Variants in DMXL1 observed in about 807,000 individuals in gnomAD.
The protein encoded by DMXL1 is Dmx like 1.
A neutral mutation model predicts 319.2 loss-of-function variants in DMXL1; 99 were observed. The observed-to-expected ratio is 0.31, with a 90% confidence interval of 0.26 to 0.37. The LOEUF (loss-of-function observed/expected upper bound fraction) is 0.37. DMXL1 is among the 10% of genes least tolerant of loss of function. The pLI is 1.00. For missense variants in DMXL1, 3,745 were observed against 3,595.6 expected, an observed-to-expected ratio of 1.04 and a Z score of -1.06; for synonymous variants, 1,385 against 1,235.2, an observed-to-expected ratio of 1.12 and a Z score of -2.54.
intron 28 of DMXL1, among the ~76,000 whole-genome samples, chr5:119,179,406 A>T (rs1417016342): frequency 6.6e-6 from 1 of 151,748 alleles, no homozygotes; most frequent in Admixed American, 6.6e-5. Context: ...TGACGTTTAC[A>T]CTGAACATAT....
intron 17 of DMXL1, among the ~76,000 whole-genome samples, chr5:119,148,005 A>G (rs1313270990): frequency 6.6e-6 from 1 of 152,204 alleles, no homozygotes; most frequent in East Asian, 1.9e-4. Flanking sequence ...AAACCTTTAA[A>G]GTGATTCTTA....
chr5:119,231,620 A>G (rs1786742983), intron 38 of DMXL1, among the ~76,000 whole-genome samples: 2 of 152,234 alleles, frequency 1.3e-5, no homozygotes, highest in Non-Finnish European at 2.9e-5. Flanking sequence ...AGGTACATTA[A>G]AAATTTAATG....
chr5:119,153,528 G>A (rs1165283092), intron 19 of DMXL1, among the ~76,000 whole-genome samples: 2 of 152,156 alleles, frequency 1.3e-5, no homozygotes, highest in Non-Finnish European at 2.9e-5. Flanking sequence ...TATCAAAAAT[G>A]TATTCCTCCT....
At chr5:119,195,442 A>G (rs1024504178) in intron 30 of DMXL1, among the ~76,000 whole-genome samples, 2 of 152,256 alleles carry the variant, frequency 1.3e-5, no homozygotes, top group African/African-American at 2.4e-5. Context: ...CACATGCTGC[A>G]ACATGGATAT....
intron 1 of DMXL1, among the ~76,000 whole-genome samples, chr5:119,082,052 CACACAT>C (rs1382051209): frequency 1.3e-4 from 19 of 147,182 alleles, no homozygotes; most frequent in Admixed American, 3.4e-4. Flanking sequence ...CACACACACA[CACACAT>C]ACACGTATAT....
At position 119,105,420 on chromosome 5, in the gene DMXL1, A is replaced by G. The variant is rs1758117356; in HGVS notation, c.364+162A>G. ...TTTTAGAGTTTATACTGAAATGAAGACAGATATGCACTGTAAGAAATGAGA... is the reference window on the plus strand; with the variant it reads ...TTTTAGAGTTTATACTGAAATGAAGGCAGATATGCACTGTAAGAAATGAGA... On this transcript the variant is annotated intron_variant, in intron 4 of 43. Coordinates refer to ENST00000539542, the MANE Select transcript of DMXL1 (RefSeq NM_001290321.3). 4.6e-5 allele frequency among the ~76,000 whole-genome samples: 7 copies of G among 152,228 alleles called. No individual in the cohort carries two copies. The South Asian group carries it at 1.2e-3, about 27-fold the overall frequency.
intron 6 of DMXL1, 71 bp from the exon 7 acceptor site, chr5:119,116,087 T>G: frequency 1.4e-6 from 2 of 1,424,092 alleles, no homozygotes; most frequent in South Asian, 2.8e-5. Context: ...AGAAAATTCT[T>G]ACTTTTGCTA....
At chr5:119,145,795 T>C (rs1432255120) in intron 15 of DMXL1, among the ~76,000 whole-genome samples, 4 of 151,734 alleles carry the variant, frequency 2.6e-5, no homozygotes, top group Non-Finnish European at 5.9e-5. Context: ...TTATGTTCAT[T>C]ATTAGAGTTT....
At chr5:119,086,555 C>G (rs1180083376) in intron 1 of DMXL1, among the ~76,000 whole-genome samples, 1 of 152,064 alleles carries the variant, frequency 6.6e-6, no homozygotes, top group Non-Finnish European at 1.5e-5. Context: ...TAATGCTGGT[C>G]TCATAGGATG....
intron 19 of DMXL1, among the ~76,000 whole-genome samples, chr5:119,155,826 CAAA>C (rs35851317): frequency 5.9e-5 from 5 of 84,812 alleles, no homozygotes; most frequent in Non-Finnish European, 5.0e-5. Context: ...GACCCTGTCT[CAAA>C]AAAAAAAAAA....
intron 9 of DMXL1, among the ~76,000 whole-genome samples, chr5:119,123,385 G>GGAGGGGGAGGGA (rs1762720385): frequency 2.9e-5 from 1 of 34,656 alleles, no homozygotes; most frequent in African/African-American, 1.6e-4. Context: ...GAGAGGGAGA[G>GGAGGGGGAGGGA]GAGGGAGAGG....
intron 22 of DMXL1, 61 bp downstream of exon 22, chr5:119,166,842 C>A: frequency 7.4e-7 from 1 of 1,352,094 alleles, no homozygotes; most frequent in Non-Finnish European, 1.0e-6. Flanking sequence ...CTCCTTAGTG[C>A]TTAAATTTTT....
At chr5:119,119,044 A>G in intron 8 of DMXL1, 40 bp downstream of exon 8, 2 of 1,416,624 alleles carry the variant, frequency 1.4e-6, no homozygotes, top group South Asian at 1.4e-5. Flanking sequence ...AAGTTTTAAA[A>G]CCTTTGGTAC....
At chr5:119,081,469 ATG>A (rs1752175292) in intron 1 of DMXL1, 1 of 617,460 alleles carries the variant, frequency 1.6e-6, no homozygotes, top group South Asian at 7.2e-5. Flanking sequence ...ACATATTTTA[ATG>A]TGTAAAAACT....
At chr5:119,156,312 A>G (rs765296789) in intron 19 of DMXL1, among the ~76,000 whole-genome samples, 5 of 152,246 alleles carry the variant, frequency 3.3e-5, no homozygotes, top group African/African-American at 4.8e-5. Context: ...CATTTTAGAC[A>G]TAACGCTATT....
intron 9 of DMXL1, among the ~76,000 whole-genome samples, chr5:119,123,214 A>G (rs1762619283): frequency 6.6e-6 from 1 of 151,720 alleles, no homozygotes; most frequent in Non-Finnish European, 1.5e-5. Context: ...GAGGCAGGAG[A>G]ATCAGGCAGG....
At chr5:119,153,652 A>G (rs1056838192) in intron 19 of DMXL1, among the ~76,000 whole-genome samples, 1 of 152,210 alleles carries the variant, frequency 6.6e-6, no homozygotes, top group African/African-American at 2.4e-5. Context: ...GATTCCACAG[A>G]TAAGTGAGAT....
At chr5:119,187,809 C>G (rs1273832296) in intron 28 of DMXL1, among the ~76,000 whole-genome samples, 1 of 152,056 alleles carries the variant, frequency 6.6e-6, no homozygotes, top group African/African-American at 2.4e-5. Flanking sequence ...ATTACAGGCA[C>G]GTGCCACCAT....
At position 119,187,702 on chromosome 5, in the gene DMXL1, G is replaced by A. The variant is rs112542475; in HGVS notation, c.7136-2006G>A. 5.6e-3 allele frequency among the ~76,000 whole-genome samples: 846 copies of A among 152,134 alleles called. 3 individuals carry two copies. The highest frequency in any genetic ancestry group is 0.02 in the African/African-American group (818 of 41,498). ...TTTTGAGATGAAGTCTTGCTCTGTTGCCCAGGCTGGAGTGCAGTGGTGCGA... is the reference window on the plus strand; with the variant it reads ...TTTTGAGATGAAGTCTTGCTCTGTTACCCAGGCTGGAGTGCAGTGGTGCGA... On this transcript the variant is annotated intron_variant, in intron 28 of 43. Coordinates refer to ENST00000539542, the MANE Select transcript of DMXL1 (RefSeq NM_001290321.3).
Sources: allele counts gnomAD v4.1 joint callset (sites outside exome capture counted in the v4.1 genomes callset), GRCh38; gene constraint gnomAD v4.1.1; transcripts MANE v1.5; gene names NCBI Gene and HGNC (gene_info 2026-07-23, HGNC 2026-07-21).